The following DDHD2 variants were observed in gnomAD, a reference collection of about 807,000 sequenced individuals.
The protein encoded by DDHD2 is triacylglycerol hydrolase DDHD2.
In DDHD2, 62 loss-of-function variants were observed where a neutral mutation model predicts 91.2. The ratio of observed to expected loss-of-function variants is 0.68; its 90% CI spans 0.55 to 0.84. The LOEUF is 0.84. Among genes scored for constraint, DDHD2 ranks in the 40% least tolerant of loss-of-function variants. The probability of loss-of-function intolerance (pLI) is 0.00; values close to 1 mark genes in which losing one functional copy is unlikely to be tolerated. For synonymous variants in DDHD2, 271 were observed against 293.9 expected (o/e 0.92, Z 0.80); for missense variants, 740 against 846.9 (o/e 0.87, Z 1.57).
chr8:38,246,015 G>A, intron 8 of DDHD2, 65 bp downstream of exon 8: 1 of 1,463,988 alleles, frequency 6.8e-7, no homozygotes, highest in Non-Finnish European at 9.5e-7. Flanking sequence ...TGTTTTTGAA[G>A]CACAATGTCT....
downstream of DDHD2, chr8:38,267,814 C>T: frequency 1.5e-6 from 2 of 1,310,566 alleles, no homozygotes; most frequent in South Asian, 1.2e-5. Flanking sequence ...ATGAGAAAGA[C>T]GTGTGGTGGA....
intron 16 of DDHD2, among the ~76,000 whole-genome samples, chr8:38,259,674 G>T (rs1226213263): frequency 6.6e-6 from 1 of 151,822 alleles, no homozygotes; most frequent in African/African-American, 2.4e-5. Context: ...GTGAGCCACC[G>T]TGCCCAGCCC....
chr8:38,240,229 C>T (rs1367860721), intron 5 of DDHD2, 46 bp from the exon 6 acceptor site: 1 of 1,153,516 alleles, frequency 8.7e-7, no homozygotes, highest in African/African-American at 1.5e-5. Context: ...TATTAGAATA[C>T]ATGACTAATT....
rs1479302803 is a variant in DDHD2, at chr8:38,233,217, A to G, written c.220+3A>G. 6.2e-7 allele frequency: 1 copy of G among 1,607,244 alleles called. No homozygotes were observed. The highest frequency in any genetic ancestry group is 1.3e-5 in the African/African-American group (1 of 74,830). On this transcript the variant is annotated splice_donor_region_variant and intron_variant, in intron 2 of 17. Transcript: ENST00000397166. ...GCTGGAAGAGGCATATAGCTCTGGT[A>G]GGTGAAAATTATGACTTGGAATAGA...
In DDHD2 at chr8:38,245,769, C is replaced by A; in HGVS notation, c.876C>A (p.Ser292Arg). ...DVDLQRITLPSINRLRHFTND... is the reference protein window; with the variant it reads ...DVDLQRITLPRINRLRHFTND... Reference sequence around the variant, plus strand: ...ATCTGCAGCGAATAACCCTGCCCAGCATTAACCGCCTCAGGCACTTCACCA... The same window carrying A: ...ATCTGCAGCGAATAACCCTGCCCAGAATTAACCGCCTCAGGCACTTCACCA... The change falls in exon 8 of 18, where the codon AGC (serine) becomes AGA (arginine). Residue 292 changes from serine to arginine, a missense_variant. Around this residue, in one of 2 missense-constraint regions of DDHD2, gnomAD observed 693 missense variants for 764.2 expected, o/e 0.91. Coordinates refer to ENST00000397166, the MANE Select transcript of DDHD2 (RefSeq NM_015214.3). 1 of 1,614,158 alleles carries A rather than the reference C, an allele frequency of 6.2e-7. No homozygotes were observed. Among genetic ancestry groups the A allele is most frequent in the Non-Finnish European group, 8.5e-7 (1 of 1,180,030 alleles).
chr8:38,233,790 G>T (rs970789857), intron 2 of DDHD2, among the ~76,000 whole-genome samples: 4 of 151,774 alleles, frequency 2.6e-5, no homozygotes. Context: ...TTAGCTGGGC[G>T]GCGGGGTTTG....
intron 16 of DDHD2, among the ~76,000 whole-genome samples, chr8:38,257,394 G>A (rs545143866): frequency 6.6e-6 from 1 of 151,440 alleles, no homozygotes; most frequent in South Asian, 2.1e-4. Flanking sequence ...GATTACAGGT[G>A]TGCGCTACCA....
intron 6 of DDHD2, among the ~76,000 whole-genome samples, chr8:38,241,143 T>C (rs902602807): frequency 1.3e-5 from 2 of 152,124 alleles, no homozygotes; most frequent in Non-Finnish European, 2.9e-5. Context: ...GGGTGTCTTA[T>C]TCTAACTGGC....
chr8:38,233,517 C>CA (rs965399793), intron 2 of DDHD2, among the ~76,000 whole-genome samples: 6 of 152,002 alleles, frequency 3.9e-5, no homozygotes, highest in Admixed American at 2.6e-4. Flanking sequence ...CTCCTAGGTT[C>CA]AAGCAATCTT....
In DDHD2 at chr8:38,261,929, T is replaced by G. The variant is rs1434226391; in HGVS notation, c.*1356T>G. ...GAGCTGTGGTTTATTGTTTATAAAT[T>G]TTTTTATAAATGTTATGGTATTCAA... On this transcript the variant is annotated 3_prime_UTR_variant, in exon 18 of 18. Coordinates refer to ENST00000397166, the MANE Select transcript of DDHD2 (RefSeq NM_015214.3). 6.6e-6 allele frequency: 1 copy of G among 152,202 alleles called. No homozygotes were observed. The highest frequency in any genetic ancestry group is 1.5e-5 in the Non-Finnish European group (1 of 68,026). The allele number at this position is 152,202 out of a possible 1,614,324, so 9.4% of individuals were successfully genotyped here.
At chr8:38,245,660 G>GT in intron 7 of DDHD2, 82 bp from the exon 8 acceptor site, 3 of 1,231,720 alleles carry the variant, frequency 2.4e-6, no homozygotes, top group Non-Finnish European at 3.5e-6. Context: ...GTTATAAAAT[G>GT]TTTAAGCTTG....
intron 9 of DDHD2, chr8:38,247,096 A>G (rs1805691821): frequency 6.8e-6 from 1 of 147,580 alleles, no homozygotes; most frequent in Admixed American, 6.7e-5. Flanking sequence ...TTTGTCTTAG[A>G]CTATTTTATT....
At chr8:38,258,933 T>C (rs1806746632) in intron 16 of DDHD2, among the ~76,000 whole-genome samples, 1 of 152,208 alleles carries the variant, frequency 6.6e-6, no homozygotes, top group Admixed American at 6.5e-5. Flanking sequence ...AGTGTGGATA[T>C]AAGTAATTGC....
At chr8:38,258,191 C>T (rs1019827104) in intron 16 of DDHD2, among the ~76,000 whole-genome samples, 5 of 151,830 alleles carry the variant, frequency 3.3e-5, no homozygotes, top group Admixed American at 6.6e-5. Context: ...AGATTCAGGT[C>T]CTTTTTTCCC....
At chr8:38,266,493 C>CGG, downstream of DDHD2, 2 of 553,290 alleles carry the variant, frequency 3.6e-6, no homozygotes, top group South Asian at 4.4e-5. Flanking sequence ...CTCCACCACC[C>CGG]GGGTTCAAGC....
In DDHD2 at chr8:38,252,226, A is replaced by C. The variant is rs759036948; in HGVS notation, c.1556A>C (p.Lys519Thr). The C allele has an allele frequency of 6.2e-7, 1 of 1,614,158 alleles. No homozygotes were observed. Among genetic ancestry groups the C allele is most frequent in the Admixed American group, 1.7e-5 (1 of 60,010 alleles). Residue 519 changes from lysine to threonine, a missense_variant, in exon 13 of 18, where the codon AAA becomes ACA. Physicochemically the swap from Lys to Thr is moderately conservative, Grantham distance 78. Transcript: ENST00000397166. ...IGMFLTVRGLKRIDPNYRFPT... is the reference protein window; with the variant it reads ...IGMFLTVRGLTRIDPNYRFPT... Reference sequence around the variant, plus strand: ...ATGTTCCTTACTGTCCGAGGACTAAAAAGAATTGATCCCAACTACAGATTT... The same window carrying C: ...ATGTTCCTTACTGTCCGAGGACTAACAAGAATTGATCCCAACTACAGATTT...
rs377019616 is a variant in DDHD2 at position 38,253,090 on chromosome 8, T to C, written c.1854T>C (p.Thr618=). The C allele has an allele frequency of 3.1e-5, 50 of 1,614,012 alleles. No homozygotes were observed. Among genetic ancestry groups the C allele is most frequent in the Non-Finnish European group, 3.7e-5 (44 of 1,180,004 alleles). ...ALQASETPEE[T]EAEPESTSEK... ...AAGCTTCAGAAACACCAGAAGAAACTGAAGCAGAACCTGAATCAACTTCAG... is the reference window on the plus strand; with the variant it reads ...AAGCTTCAGAAACACCAGAAGAAACCGAAGCAGAACCTGAATCAACTTCAG... Residue 618 remains threonine (T), a synonymous_variant, in exon 15 of 18, where the codon ACT becomes ACC. Transcript: ENST00000397166.
intron 9 of DDHD2, 113 bp from the exon 10 acceptor site, chr8:38,247,600 T>G (rs1410648644): frequency 1.6e-6 from 1 of 620,378 alleles, no homozygotes; most frequent in African/African-American, 1.9e-5. Flanking sequence ...AATGACAATT[T>G]GTTAAAGTTA....
At chr8:38,251,558 T>G (rs1450382996) in intron 11 of DDHD2, 1 of 184,708 alleles carries the variant, frequency 5.4e-6, no homozygotes, top group Admixed American at 5.6e-5. Context: ...GAAATGGCTA[T>G]GTACAACTTT....
Sources: allele counts gnomAD v4.1 joint callset (sites outside exome capture counted in the v4.1 genomes callset), GRCh38; gene constraint gnomAD v4.1.1; regional missense constraint gnomAD v4.1.1; transcripts MANE v1.5; gene names NCBI Gene and HGNC (gene_info 2026-07-23, HGNC 2026-07-21).